FYN: variants seen among roughly 807,000 people sequenced by gnomAD.
FYN encodes the protein FYN proto-oncogene, Src family tyrosine kinase, also known as tyrosine-protein kinase Fyn.
FYN carries 10 observed loss-of-function variants against 70.2 expected under a neutral mutation model. That is an observed-to-expected ratio of 0.14 (90% CI 0.09 to 0.24). The LOEUF is 0.24. Among genes scored for constraint, FYN ranks in the 10% least tolerant of loss-of-function variants. The probability of loss-of-function intolerance (pLI) is 1.00; values close to 1 mark genes in which losing one functional copy is unlikely to be tolerated. For missense variants in FYN, 319 were observed against 673.1 expected (o/e 0.47, Z 5.82); for synonymous variants, 236 against 248.6 (o/e 0.95, Z 0.48).
chr6:111,755,058 T>C (rs1583410128), intron 3 of FYN, among the ~76,000 whole-genome samples: 1 of 151,904 alleles, frequency 6.6e-6, no homozygotes, highest in Non-Finnish European at 1.5e-5. Context: ...GTCCCAAAGA[T>C]GGTAAAGAAT....
chr6:111,844,075 A>G lies in FYN; in HGVS notation c.-82+2514T>C, dbSNP rs149126831. Among the ~76,000 whole-genome samples the G allele has an allele frequency of 6.4e-3, 974 of 152,356 alleles. 10 individuals are homozygous for G. Among genetic ancestry groups the G allele is most frequent in the African/African-American group, 0.022 (912 of 41,580 alleles). On this transcript the variant is annotated intron_variant, in intron 2 of 13. Transcript: ENST00000354650. ...GACAGATCTGAGTAGAATCCTTACT[A>G]TAACTACAGCACCTTGAGCCTCTCA...
chr6:111,770,850 C>T (rs891277723), intron 3 of FYN, among the ~76,000 whole-genome samples: 4 of 152,110 alleles, frequency 2.6e-5, no homozygotes, highest in African/African-American at 9.7e-5. Flanking sequence ...AACTCTCTAT[C>T]GTAAGAATGG....
chr6:111,707,918 A>G lies in FYN; in HGVS notation c.443+4T>C, dbSNP rs1364525626. The G allele has an allele frequency of 6.2e-7, 1 of 1,607,822 alleles. No homozygotes were observed. Among genetic ancestry groups the G allele is most frequent in the South Asian group, 1.1e-5 (1 of 90,966 alleles). ...TAGTTAAGTGAAAACAAAATGAAAC[A>G]TACTCTTCTGCCTGGATAGAGTCAA... is the stretch of plus-strand genomic sequence containing the variant. On this transcript the variant is annotated splice_donor_region_variant and intron_variant, in intron 6 of 13. Transcript: ENST00000354650.
rs773768130 is a variant in FYN, at chr6:111,719,952, G to A, written c.100C>T (p.Pro34Ser). The change falls in exon 4 of 14, where the codon CCC (proline) becomes TCC (serine). Residue 34 changes from proline to serine, a missense_variant. This residue lies in a region of FYN where 128 missense variants were observed against 183.9 expected (regional missense o/e 0.70). Transcript: ENST00000354650. ...AAGCTGGGGTAGTGCTGAGGGGTGG[G>A]GTCTGTGCCATAGCGGTACCCAGAG... ...QSSGYRYGTD[P>S]TPQHYPSFGV... 1 of 1,614,036 alleles carries A rather than the reference G, an allele frequency of 6.2e-7. No individual in the cohort carries two copies. The highest frequency in any genetic ancestry group is 1.3e-5 in the African/African-American group (1 of 74,900).
intron 3 of FYN, among the ~76,000 whole-genome samples, chr6:111,779,116 G>C (rs534453342): frequency 4.3e-4 from 61 of 142,830 alleles, no homozygotes; most frequent in African/African-American, 1.6e-3. Flanking sequence ...GGATCAGTAG[G>C]AGACATTTTT....
chr6:111,797,681 T>C (rs1480407426), intron 2 of FYN, among the ~76,000 whole-genome samples: 1 of 68,496 alleles, frequency 1.5e-5, no homozygotes, highest in East Asian at 4.4e-4. Flanking sequence ...TATATATATA[T>C]ATATATATAT....
chr6:111,719,717 G>A (rs1800841197), intron 4 of FYN, 88 bp downstream of exon 4: 11 of 1,444,492 alleles, frequency 7.6e-6, no homozygotes, highest in Non-Finnish European at 9.5e-6. Context: ...CCTAGTCAAA[G>A]GGAAGTGATG....
At chr6:111,699,895 A>C in intron 9 of FYN, 1 of 634,636 alleles carries the variant, frequency 1.6e-6, no homozygotes, top group Non-Finnish European at 2.5e-6. Context: ...CCATTTGCCA[A>C]TTTTGCCCAC....
intron 1 of FYN, among the ~76,000 whole-genome samples, chr6:111,869,068 C>G (rs1012755439): frequency 4.0e-5 from 6 of 151,790 alleles, no homozygotes; most frequent in African/African-American, 1.4e-4. Context: ...GTATTCATGG[C>G]AAAAAAAAGT....
At chr6:111,856,291 G>A (rs916371711) in intron 1 of FYN, among the ~76,000 whole-genome samples, 2 of 152,180 alleles carry the variant, frequency 1.3e-5, no homozygotes, top group Admixed American at 1.3e-4. Context: ...TTTTCTGAAT[G>A]AGAAATATTG....
intron 2 of FYN, among the ~76,000 whole-genome samples, chr6:111,784,268 T>G (rs953330713): frequency 7.9e-5 from 12 of 152,202 alleles, no homozygotes; most frequent in African/African-American, 2.9e-4. Context: ...AATGTCTTCT[T>G]GTTTAGGACT....
chr6:111,762,860 A>G (rs1184503234), intron 3 of FYN, among the ~76,000 whole-genome samples: 5 of 152,124 alleles, frequency 3.3e-5, no homozygotes, highest in Admixed American at 2.6e-4. Flanking sequence ...GGTAACTAAA[A>G]AAGTCCTCGC....
chr6:111,686,612 T>C (rs900788195), intron 12 of FYN, among the ~76,000 whole-genome samples: 38 of 152,232 alleles, frequency 2.5e-4, no homozygotes, highest in Non-Finnish European at 4.9e-4. Flanking sequence ...TTCTCTAGCA[T>C]GGGAAGAATT....
intron 1 of FYN, among the ~76,000 whole-genome samples, chr6:111,862,527 G>A (rs561426200): frequency 3.9e-5 from 6 of 152,152 alleles, no homozygotes; most frequent in South Asian, 2.1e-4. Context: ...GCCTTACCCC[G>A]GGCCTGTCTA....
At chr6:111,848,661 T>G (rs1185455123) in intron 1 of FYN, among the ~76,000 whole-genome samples, 6 of 152,202 alleles carry the variant, frequency 3.9e-5, no homozygotes, top group Non-Finnish European at 4.4e-5. Flanking sequence ...CTGAAATATT[T>G]TTAGAGAGCG....
chr6:111,720,797 A>G (rs1338660470), intron 3 of FYN, among the ~76,000 whole-genome samples: 2 of 152,146 alleles, frequency 1.3e-5, no homozygotes, highest in Middle Eastern at 3.2e-3. Flanking sequence ...ATTAAAAAAA[A>G]ATCATTCCCA....
At chr6:111,864,088 T>C (rs1446498640) in intron 1 of FYN, among the ~76,000 whole-genome samples, 1 of 152,208 alleles carries the variant, frequency 6.6e-6, no homozygotes, top group Non-Finnish European at 1.5e-5. Context: ...TGTGCTCTTT[T>C]CTTATTATGC....
chr6:111,685,666 C>G (rs1798974760), intron 12 of FYN, among the ~76,000 whole-genome samples: 1 of 152,204 alleles, frequency 6.6e-6, no homozygotes, highest in African/African-American at 2.4e-5. Context: ...TGTTTGATGG[C>G]AGTCTACAGT....
Position 111,722,327 on chromosome 6 carries a change from T to C in FYN, c.-11-2265A>G, listed in dbSNP as rs572648969. On this transcript the variant is annotated intron_variant, in intron 3 of 13. Coordinates refer to ENST00000354650, the MANE Select transcript of FYN (RefSeq NM_002037.5). ...CGTGCCCAACATGCTTTGTAACTTA[T>C]GGTAAATGGATATGATTTTAACAAG... Among the ~76,000 whole-genome samples, 6 of 152,338 alleles carry C rather than the reference T, an allele frequency of 3.9e-5. No individual in the cohort carries two copies. In the East Asian group the frequency reaches 5.8e-4, roughly 15 times the overall value.
Sources: gnomAD v4.1 joint callset for allele counts (sites outside exome capture counted in the v4.1 genomes callset) on GRCh38, gnomAD v4.1.1 for gene constraint, gnomAD v4.1.1 regional missense constraint, MANE v1.5 for transcripts, NCBI Gene and HGNC (gene_info 2026-07-23, HGNC 2026-07-21) for gene names.